Variants in DCX observed in about 807,000 individuals in gnomAD.
DCX encodes doublecortin.
Under a neutral mutation model 20.9 loss-of-function variants are expected in DCX, and 4 were observed. The ratio of observed to expected loss-of-function variants is 0.19; its 90% CI spans 0.09 to 0.44. The LOEUF is 0.44. DCX is among the 20% of genes least tolerant of loss of function. The pLI is 0.99. For missense variants in DCX, 133 were observed against 296.9 expected (o/e 0.45, Z 4.06); for synonymous variants, 103 against 111.4 (o/e 0.92, Z 0.47).
intron 4 of DCX, among the ~76,000 whole-genome samples, chrX:111,331,285 C>T (rs1039474905): frequency 9.0e-6 from 1 of 111,601 alleles, no homozygotes; most frequent in Non-Finnish European, 1.9e-5. Context: ...GGCAAGAGTC[C>T]ATAAACAGGT....
chrX:111,335,251 G>A (rs778841472), intron 3 of DCX, among the ~76,000 whole-genome samples: 5 of 112,058 alleles, frequency 4.5e-5, no homozygotes, highest in Non-Finnish European at 9.4e-5. Context: ...AGACCTGCCT[G>A]TATTTTCATG....
intron 3 of DCX, among the ~76,000 whole-genome samples, chrX:111,389,027 C>T (rs1926737576): frequency 9.0e-6 from 1 of 111,636 alleles, no homozygotes; most frequent in Non-Finnish European, 1.9e-5. Context: ...TGGGAAGCTG[C>T]CAAGAAACAG....
At chrX:111,330,193 T>C (rs1332266370) in intron 5 of DCX, among the ~76,000 whole-genome samples, 1 of 112,239 alleles carries the variant, frequency 8.9e-6, no homozygotes, top group Non-Finnish European at 1.9e-5. Flanking sequence ...AATGGTTTGC[T>C]TAATGGCATA....
At chrX:111,363,693 A>G (rs1195616433) in intron 3 of DCX, among the ~76,000 whole-genome samples, 1 of 111,048 alleles carries the variant, frequency 9.0e-6, no homozygotes, top group Non-Finnish European at 1.9e-5. Flanking sequence ...TTCTTTAGCC[A>G]CCGCATTTCA....
intron 3 of DCX, among the ~76,000 whole-genome samples, chrX:111,369,723 T>C (rs1924922231): frequency 9.0e-6 from 1 of 111,703 alleles, no homozygotes; most frequent in South Asian, 3.8e-4. Context: ...ATTAAGCCAG[T>C]ACTGCAGCTA....
intron 3 of DCX, among the ~76,000 whole-genome samples, chrX:111,400,253 G>C (rs1927665420): frequency 1.8e-5 from 2 of 111,558 alleles, no homozygotes; most frequent in African/African-American, 3.3e-5. Flanking sequence ...GCATCTGTCT[G>C]ATGGAGACGC....
rs1556369834 is a variant in DCX, at chrX:111,316,092, A to ATAAAT, written c.947-3357_947-3356insATTTA. On this transcript the variant is annotated intron_variant, in intron 5 of 6. Transcript: ENST00000636035. ...CTTAGAGTATAATAAAAAATAAAAA[A>ATAAAT]AAAAAAAAAAAAAAAAAATGTTAAG... Among the ~76,000 whole-genome samples, 23 of 96,351 alleles carry ATAAAT rather than the reference A, an allele frequency of 2.4e-4. 1 individual carries two copies. The highest frequency in any genetic ancestry group is 9.3e-4 in the African/African-American group (21 of 22,473). 83.7% of individuals were successfully genotyped at this position (96,351 alleles called of 115,157 possible).
intron 3 of DCX, among the ~76,000 whole-genome samples, chrX:111,370,485 C>A (rs1924984288): frequency 9.0e-6 from 1 of 111,550 alleles, no homozygotes; most frequent in South Asian, 3.8e-4. Flanking sequence ...TTGAGAGGCA[C>A]TTGTCTATAG....
At chrX:111,373,972 A>T (rs139782077) in intron 3 of DCX, among the ~76,000 whole-genome samples, 3 of 112,262 alleles carry the variant, frequency 2.7e-5, no homozygotes, top group Admixed American at 1.9e-4. Context: ...TTGGAATTAA[A>T]TGCATTCTGT....
chrX:111,400,036 G>A (rs941854713), intron 3 of DCX, among the ~76,000 whole-genome samples: 1 of 111,773 alleles, frequency 8.9e-6, no homozygotes, highest in African/African-American at 3.3e-5. Flanking sequence ...TAGTGAATCC[G>A]CCTTTTAGGA....
chrX:111,408,678 GAAAGAAAGAAAGAA>G (rs1928444752), intron 2 of DCX, among the ~76,000 whole-genome samples: 1 of 109,415 alleles, frequency 9.1e-6, no homozygotes, highest in African/African-American at 3.3e-5. Flanking sequence ...AAGAAAGAAA[GAAAGAAAGAAAGAA>G]AGGAAGGAAG....
chrX:111,364,007 G>A (rs1924416519), intron 3 of DCX, among the ~76,000 whole-genome samples: 1 of 112,206 alleles, frequency 8.9e-6, no homozygotes, highest in Admixed American at 9.5e-5. Flanking sequence ...CCTGCTGGAT[G>A]CTCAGCATGA....
At chrX:111,365,733 T>A (rs1377516123) in intron 3 of DCX, among the ~76,000 whole-genome samples, 1 of 111,567 alleles carries the variant, frequency 9.0e-6, no homozygotes, top group East Asian at 2.8e-4. Context: ...TGTATAGTCC[T>A]GCCACCTGGA....
chrX:111,349,156 C>G (rs1383971042), intron 3 of DCX, among the ~76,000 whole-genome samples: 3 of 111,672 alleles, frequency 2.7e-5, no homozygotes, highest in Non-Finnish European at 5.6e-5. Flanking sequence ...TGAAGCTTGT[C>G]TATAGATCCC....
intron 3 of DCX, among the ~76,000 whole-genome samples, chrX:111,341,251 G>A (rs1004228542): frequency 9.2e-6 from 1 of 108,796 alleles, no homozygotes; most frequent in African/African-American, 3.3e-5. Flanking sequence ...TAGCCGACTC[G>A]ACCAAGCAGA....
chrX:111,391,148 G>C lies in DCX; in HGVS notation c.705+9842C>G, dbSNP rs748193394. ...TTGGAGGCGGGACCTGGTGGGAGGT[G>C]ATTGAATCATGGGGACAGATTTTTC... On this transcript the variant is annotated intron_variant, in intron 3 of 6. Coordinates refer to ENST00000636035, the MANE Select transcript of DCX (RefSeq NM_001195553.2). Among the ~76,000 whole-genome samples, 707 of 111,320 alleles carry C rather than the reference G, an allele frequency of 6.4e-3. 1 individual carries two copies. Among genetic ancestry groups the C allele is most frequent in the African/African-American group, 0.021 (642 of 30,605 alleles).
At position 111,330,909 on chromosome X, in the gene DCX, T is replaced by G; in HGVS notation, c.941A>C (p.Gln314Pro). Residue 314 changes from glutamine (Q) to proline (P), a missense_variant, in exon 5 of 7, where the codon CAA becomes CCA. This residue lies in a region of DCX where 68 missense variants were observed against 84.3 expected (regional missense o/e 0.81). Transcript: ENST00000636035. ...GTTAGGAAAAGAGCACTCACCGTCT[T>G]GGTCGTTACCTGAGTCAGCTGGAGA... is the stretch of plus-strand genomic sequence containing the variant. ...SKSPADSGND[Q>P]DANGTSSSQL... 2 of 1,211,871 alleles carry G rather than the reference T, an allele frequency of 1.7e-6. No individual in the cohort carries two copies. Among genetic ancestry groups the G allele is most frequent in the Non-Finnish European group, 2.2e-6 (2 of 895,389 alleles).
intron 3 of DCX, among the ~76,000 whole-genome samples, chrX:111,381,820 T>A (rs1006617537): frequency 9.9e-4 from 111 of 111,971 alleles, no homozygotes; most frequent in African/African-American, 3.4e-3. Context: ...GCCTACAGTT[T>A]CAGCTTGTAT....
chrX:111,387,098 G>A (rs893601479), intron 3 of DCX, among the ~76,000 whole-genome samples: 17 of 111,550 alleles, frequency 1.5e-4, no homozygotes, highest in Non-Finnish European at 2.8e-4. Flanking sequence ...TCATTGCTTA[G>A]CCCATGTGAC....
Sources: gnomAD v4.1 joint callset for allele counts (sites outside exome capture counted in the v4.1 genomes callset) on GRCh38, gnomAD v4.1.1 for gene constraint, gnomAD v4.1.1 regional missense constraint, MANE v1.5 for transcripts, NCBI Gene and HGNC (gene_info 2026-07-23, HGNC 2026-07-21) for gene names.